The following EIF2AK1 variants were observed in gnomAD, a reference collection of about 807,000 sequenced individuals.
EIF2AK1 encodes eukaryotic translation initiation factor 2-alpha kinase 1.
A neutral mutation model predicts 77.9 loss-of-function variants in EIF2AK1; 54 were observed. The observed-to-expected ratio is 0.69, with a 90% CI of 0.56 to 0.87. The LOEUF (loss-of-function observed/expected upper bound fraction) is 0.87. Ranked by LOEUF, EIF2AK1 falls within the 40% of genes least tolerant of loss-of-function variation. EIF2AK1 has a pLI of 0.00. For synonymous variants in EIF2AK1, 314 were observed against 290.5 expected, an observed-to-expected ratio of 1.08 and a Z score of -0.82; for missense variants, 810 against 768.6, an observed-to-expected ratio of 1.05 and a Z score of -0.64.
intron 12 of EIF2AK1, 39 bp downstream of exon 12, chr7:6,028,879 T>G: frequency 3.2e-6 from 5 of 1,541,460 alleles, no homozygotes; most frequent in Non-Finnish European, 4.4e-6. Flanking sequence ...CCATGTCTTT[T>G]GCTTATGCAA....
chr7:6,043,491 C>T (rs1399540921), intron 7 of EIF2AK1, among the ~76,000 whole-genome samples: 5 of 152,018 alleles, frequency 3.3e-5, no homozygotes, highest in Admixed American at 6.6e-5. Flanking sequence ...TGCATTGGCA[C>T]GATCTTGGCT....
At chr7:6,046,613 A>C (rs1788450569) in intron 5 of EIF2AK1, 1 of 168,884 alleles carries the variant, frequency 5.9e-6, no homozygotes, top group African/African-American at 2.4e-5. Context: ...TATAATAATA[A>C]TGAAAACAGG....
rs752828974 is a variant in EIF2AK1, at chr7:6,035,241, C to G, written c.1332+2183G>C. ...CATAAAATGAAGCTAGGCCCCATCA[C>G]GTAGTGATGCATCCCACCACATCCC... is the stretch of plus-strand genomic sequence containing the variant. On this transcript the variant is annotated intron_variant, in intron 11 of 14. Transcript: ENST00000199389. The surrounding 1 kb of genome is among the most constrained non-coding windows in gnomAD (Gnocchi z 5.5). 6.6e-6 allele frequency among the ~76,000 whole-genome samples: 1 copy of G among 152,136 alleles called. No individual in the cohort carries two copies.
Position 6,024,686 on chromosome 7 carries a change from C to G in EIF2AK1, c.1880G>C (p.Gly627Ala), listed in dbSNP as rs2128884049. The change falls in exon 15 of 15, where the codon GGG (glycine) becomes GCG (alanine). Residue 627 changes from glycine to alanine, a missense_variant. This residue lies in a region of EIF2AK1 where 549 missense variants were observed against 533.7 expected (regional missense o/e 1.03). Transcript: ENST00000199389. Reference sequence around the variant, plus strand: ...TTAAGTCCACTTTCATCCCACGCCCCCATCCTTTCCGTCATCCCTCACCCC... The same window carrying G: ...TTAAGTCCACTTTCATCCCACGCCCGCATCCTTTCCGTCATCCCTCACCCC... ...DKGVRDDGKD[G>A]GVG The G allele has an allele frequency of 6.2e-7, 1 of 1,613,548 alleles. No homozygotes were observed.
rs10672014 is a variant in EIF2AK1, at chr7:6,024,376, T to TAGA, written c.*296_*297insTCT. ...AGGGAGCACACATCAATTTCTGCGG[T>TAGA]ACCTTCTAGAGGAAGACCAGACAGA... On this transcript the variant is annotated 3_prime_UTR_variant, in exon 15 of 15. Coordinates refer to ENST00000199389, the MANE Select transcript of EIF2AK1 (RefSeq NM_014413.4). 0.81 allele frequency: 1,027,044 copies of TAGA among 1,266,990 alleles called. 417,042 individuals are homozygous for TAGA. The highest frequency in any genetic ancestry group is 0.93 in the East Asian group (22,295 of 24,072). 78.5% of individuals were successfully genotyped at this position (1,266,990 alleles called of 1,614,324 possible). A position where few individuals can be genotyped will look rare whatever the true frequency, so the allele number is the denominator to read the frequency against.
At chr7:6,044,925 A>G (rs1006372614) in intron 6 of EIF2AK1, among the ~76,000 whole-genome samples, 2 of 152,194 alleles carry the variant, frequency 1.3e-5, no homozygotes, top group African/African-American at 4.8e-5. Context: ...TTCGAAGCAC[A>G]TTTAAGGTAG....
rs367931587 is a variant in EIF2AK1 at position 6,023,592 on chromosome 7, C to T, written c.*1081G>A. On this transcript the variant is annotated 3_prime_UTR_variant, in exon 15 of 15. Transcript: ENST00000199389. ...TGCTGTGGTCTGTACTCCAGCAGAT[C>T]GGAGGCTGCAGTGTGACAGTGCCAG... is the stretch of plus-strand genomic sequence containing the variant. 1.7e-5 allele frequency: 27 copies of T among 1,614,066 alleles called. No homozygotes were observed. In the African/African-American group the frequency reaches 2.3e-4, roughly 14 times the overall value.
chr7:6,028,589 A>G (rs1787816347), intron 13 of EIF2AK1, 26 bp downstream of exon 13: 1 of 1,609,394 alleles, frequency 6.2e-7, no homozygotes, highest in Non-Finnish European at 8.5e-7. Flanking sequence ...AAGTTGAATG[A>G]AAGGGCAGAA....
In EIF2AK1 at chr7:6,035,791, T is replaced by C. The variant is rs752791941; in HGVS notation, c.1332+1633A>G. On this transcript the variant is annotated intron_variant, in intron 11 of 14. Coordinates refer to ENST00000199389, the MANE Select transcript of EIF2AK1 (RefSeq NM_014413.4). The surrounding 1 kb of genome is among the most constrained non-coding windows in gnomAD (Gnocchi z 5.5). ...AATAAGGAGATGATGGAAACGCTCA[T>C]TGCCTATGGAGCAAACGTCAACTGT... The C allele has an allele frequency of 1.1e-4, 166 of 1,550,966 alleles. No homozygotes were observed. The highest frequency in any genetic ancestry group is 2.7e-4 in the African/African-American group (20 of 73,046).
At chr7:6,041,607 C>G (rs1352939089) in intron 8 of EIF2AK1, among the ~76,000 whole-genome samples, 2 of 151,600 alleles carry the variant, frequency 1.3e-5, no homozygotes, top group Non-Finnish European at 2.9e-5. Context: ...TTTGGGAGGC[C>G]AAGGCAGACA....
chr7:6,025,237 T>A (rs1266368319), intron 14 of EIF2AK1, among the ~76,000 whole-genome samples: 1 of 152,210 alleles, frequency 6.6e-6, no homozygotes, highest in Non-Finnish European at 1.5e-5. Context: ...TAACTGAGCA[T>A]CAGAAAATCC....
chr7:6,058,010 C>G (rs1010372592), intron 1 of EIF2AK1: 1 of 377,830 alleles, frequency 2.6e-6, no homozygotes, highest in African/African-American at 2.1e-5. Flanking sequence ...TCACTTTCAT[C>G]AAAATTGTGG....
intron 5 of EIF2AK1, chr7:6,046,685 C>G (rs532858740): frequency 1.6e-4 from 31 of 196,672 alleles, no homozygotes; most frequent in Non-Finnish European, 2.9e-4. Context: ...GGGTGGATCA[C>G]GAGGTCAGGA....
At chr7:6,037,572 T>C in intron 10 of EIF2AK1, 48 bp from the exon 11 acceptor site, 1 of 1,105,672 alleles carries the variant, frequency 9.0e-7, no homozygotes, top group Non-Finnish European at 1.4e-6. Flanking sequence ...TTTTACTCAT[T>C]ACATGGGCAT....
chr7:6,031,787 T>G (rs796621996), intron 11 of EIF2AK1, among the ~76,000 whole-genome samples: 6 of 152,186 alleles, frequency 3.9e-5, no homozygotes, highest in African/African-American at 1.4e-4. Flanking sequence ...CAAACCAACA[T>G]GAGAAAACAC....
intron 14 of EIF2AK1, chr7:6,026,345 G>T: frequency 2.3e-6 from 1 of 432,762 alleles, no homozygotes; most frequent in Non-Finnish European, 4.7e-6. Flanking sequence ...GACATCTAAA[G>T]GCCTAGCCAT....
chr7:6,055,259 C>G (rs1428619071), intron 1 of EIF2AK1, among the ~76,000 whole-genome samples: 1 of 143,180 alleles, frequency 7.0e-6, no homozygotes, highest in African/African-American at 2.6e-5. Context: ...AGGAAAATAG[C>G]TTGAACCTGG....
At chr7:6,051,500 G>C (rs1788607112) in intron 2 of EIF2AK1, among the ~76,000 whole-genome samples, 1 of 151,982 alleles carries the variant, frequency 6.6e-6, no homozygotes. Context: ...AGCGATCTCA[G>C]ATCACTGCAA....
At chr7:6,047,289 T>A (rs1324715517) in intron 4 of EIF2AK1, 198 bp from the exon 5 acceptor site, 1 of 689,264 alleles carries the variant, frequency 1.5e-6, no homozygotes, top group Non-Finnish European at 2.7e-6. Context: ...GTAACGGGTA[T>A]TCCAAGTAGA....
Sources: gnomAD v4.1 joint callset for allele counts (sites outside exome capture counted in the v4.1 genomes callset) on GRCh38, gnomAD v4.1.1 for gene constraint, gnomAD v4.1.1 regional missense constraint, Gnocchi (gnomAD v3.1) non-coding constraint, MANE v1.5 for transcripts, NCBI Gene and HGNC (gene_info 2026-07-23, HGNC 2026-07-21) for gene names.